The following AGAP1 variants were observed in gnomAD, a reference collection of about 807,000 sequenced individuals.
AGAP1 encodes ArfGAP with GTPase domain, ankyrin repeat and PH domain 1.
In AGAP1, 29 loss-of-function variants were observed where a neutral mutation model predicts 105.3. The ratio of observed to expected loss-of-function variants is 0.28; its 90% CI spans 0.21 to 0.38. The LOEUF (loss-of-function observed/expected upper bound fraction) is 0.38, where lower values mean the gene tolerates loss of function less well. Among genes scored for constraint, AGAP1 ranks in the 10% least tolerant of loss-of-function variants. AGAP1 has a pLI of 1.00. For missense variants in AGAP1, 998 were observed against 1,165.1 expected (o/e 0.86, Z 2.09); for synonymous variants, 509 against 485.9 (o/e 1.05, Z -0.63).
In AGAP1 at chr2:235,712,584, C is replaced by T. The variant is rs1255888234; in HGVS notation, c.222+3347C>T. ...CCTTGATTTCCTTTTCAGCAAACCT[C>T]AGGGTTAGTGTGGGGCTCTGGAGAA... On this transcript the variant is annotated intron_variant, in intron 2 of 17. Coordinates refer to ENST00000304032, the MANE Select transcript of AGAP1 (RefSeq NM_001037131.3). The surrounding 1 kb of genome is among the most constrained non-coding windows in gnomAD (Gnocchi z 6.0). 1.3e-5 allele frequency among the ~76,000 whole-genome samples: 2 copies of T among 152,304 alleles called. No homozygotes were observed. The highest frequency in any genetic ancestry group is 2.4e-5 in the African/African-American group (1 of 41,572).
At chr2:235,502,257 A>G (rs895795317) in intron 1 of AGAP1, among the ~76,000 whole-genome samples, 1 of 152,150 alleles carries the variant, frequency 6.6e-6, no homozygotes, top group African/African-American at 2.4e-5. Flanking sequence ...TGGGGAGGGA[A>G]GGAAAACAAA....
At chr2:235,563,799 G>C (rs1367141363) in intron 1 of AGAP1, among the ~76,000 whole-genome samples, 1 of 152,178 alleles carries the variant, frequency 6.6e-6, no homozygotes, top group Non-Finnish European at 1.5e-5. Flanking sequence ...CACTGTGCTG[G>C]CTGCTGAATT....
chr2:235,623,457 A>G lies in AGAP1; in HGVS notation c.164-85722A>G, dbSNP rs183705308. Among the ~76,000 whole-genome samples, 212 of 152,314 alleles carry G rather than the reference A, an allele frequency of 1.4e-3. 1 individual carries two copies. The highest frequency in any genetic ancestry group is 4.9e-3 in the African/African-American group (204 of 41,574). On this transcript the variant is annotated intron_variant, in intron 1 of 17. Transcript: ENST00000304032. This position sits in a 1 kb window ranked among gnomAD's most constrained non-coding sequence, Gnocchi z 4.5. ...GGTGGCTTTGGGATTTGCTGCTTCAAGGTTTCAGGATGACACAAGCCATCG... is the reference window on the plus strand; with the variant it reads ...GGTGGCTTTGGGATTTGCTGCTTCAGGGTTTCAGGATGACACAAGCCATCG...
At chr2:235,727,452 G>A (rs1951704437) in intron 3 of AGAP1, among the ~76,000 whole-genome samples, 1 of 152,188 alleles carries the variant, frequency 6.6e-6, no homozygotes. Flanking sequence ...CCTGGGGTAT[G>A]TTTGAATTCA....
At chr2:235,594,357 G>T (rs9967875) in intron 1 of AGAP1, among the ~76,000 whole-genome samples, 3,064 of 152,000 alleles carry the variant, frequency 0.02, 105 homozygotes, top group African/African-American at 0.071. Context: ...AGGATCAGAG[G>T]TAGCGTCTCC....
At chr2:235,990,880 C>T (rs1406508120) in intron 13 of AGAP1, among the ~76,000 whole-genome samples, 13 of 152,162 alleles carry the variant, frequency 8.5e-5, no homozygotes, top group Non-Finnish European at 1.8e-4. Context: ...CACAATGGAA[C>T]AAGATAGAGT....
chr2:235,752,289 T>G lies in AGAP1; in HGVS notation c.673+1801T>G, dbSNP rs886477666. 6.6e-6 allele frequency among the ~76,000 whole-genome samples: 1 copy of G among 152,200 alleles called. No homozygotes were observed. The highest frequency in any genetic ancestry group is 2.4e-5 in the African/African-American group (1 of 41,450). On this transcript the variant is annotated intron_variant, in intron 6 of 17. Coordinates refer to ENST00000304032, the MANE Select transcript of AGAP1 (RefSeq NM_001037131.3). This position sits in a 1 kb window ranked among gnomAD's most constrained non-coding sequence, Gnocchi z 4.3. The stretch of plus-strand genomic sequence containing the variant: ...GCCTCCCAGGTTCAGGCAAATCTTG[T>G]GCCTCAGCCTCCCCAGTAGCTGGAA...
rs370957797 is a variant in AGAP1 at position 235,569,188 on chromosome 2, G to A, written c.163+74339G>A. On this transcript the variant is annotated intron_variant, in intron 1 of 17. Transcript: ENST00000304032. This position sits in a 1 kb window ranked among gnomAD's most constrained non-coding sequence, Gnocchi z 5.9. ...AAATTAGCTGGGTGTGGTGGCGGGC[G>A]CCTGTAGTCCCAGCTACTTGGGAGG... is the stretch of plus-strand genomic sequence containing the variant. Among the ~76,000 whole-genome samples the A allele has an allele frequency of 5.9e-5, 9 of 152,270 alleles. No individual in the cohort carries two copies. Among genetic ancestry groups the A allele is most frequent in the Admixed American group, 2.0e-4 (3 of 15,296 alleles).
chr2:235,771,196 T>A (rs1305134497), intron 6 of AGAP1, among the ~76,000 whole-genome samples: 1 of 152,156 alleles, frequency 6.6e-6, no homozygotes, highest in Admixed American at 6.5e-5. Context: ...TTTGAGAAAA[T>A]TAAGTTTCTG....
chr2:235,770,216 T>C (rs55907328), intron 6 of AGAP1, among the ~76,000 whole-genome samples: 37,885 of 150,556 alleles, frequency 0.25, 5,141 homozygotes, highest in Admixed American at 0.39. Context: ...TAAGCTCCGC[T>C]CCCCGGGTTC....
At chr2:235,774,781 T>C (rs1341571362) in intron 6 of AGAP1, among the ~76,000 whole-genome samples, 1 of 152,168 alleles carries the variant, frequency 6.6e-6, no homozygotes, top group African/African-American at 2.4e-5. Flanking sequence ...CTAAAGTAAT[T>C]ACTAACCTTT....
chr2:235,553,635 C>G lies in AGAP1; in HGVS notation c.163+58786C>G, dbSNP rs774963395. Reference sequence around the variant, plus strand: ...AAGTGGAGCCTGGTCCCTGGTGACCCAGGTACAGTTTACGTCTGGAGCCAG... The same window carrying G: ...AAGTGGAGCCTGGTCCCTGGTGACCGAGGTACAGTTTACGTCTGGAGCCAG... On this transcript the variant is annotated intron_variant, in intron 1 of 17. Transcript: ENST00000304032. The surrounding 1 kb of genome is among the most constrained non-coding windows in gnomAD (Gnocchi z 4.5). Among the ~76,000 whole-genome samples the G allele has an allele frequency of 3.9e-5, 6 of 152,002 alleles. No homozygotes were observed. The highest frequency in any genetic ancestry group is 7.4e-5 in the Non-Finnish European group (5 of 68,006).
At chr2:235,528,319 G>A (rs532534347) in intron 1 of AGAP1, among the ~76,000 whole-genome samples, 69 of 151,764 alleles carry the variant, frequency 4.5e-4, no homozygotes, top group Middle Eastern at 3.4e-3. Flanking sequence ...CAGCAAGCCC[G>A]GCTCCATCCA....
At position 236,131,546 on chromosome 2, in the gene AGAP1, CAAT is replaced by C. The variant is rs1037293499; in HGVS notation, c.*7425_*7427del. On this transcript the variant is annotated 3_prime_UTR_variant, in exon 18 of 18. Coordinates refer to ENST00000304032, the MANE Select transcript of AGAP1 (RefSeq NM_001037131.3). This position sits in a 1 kb window ranked among gnomAD's most constrained non-coding sequence, Gnocchi z 5.9. Reference sequence around the variant, plus strand: ...AGCAACTTTATGTTTCACAATGACTCAATGATGCTTTATTTATATTGTTTGTAC... The same window carrying C: ...AGCAACTTTATGTTTCACAATGACTCGATGCTTTATTTATATTGTTTGTAC... 9.2e-5 allele frequency: 14 copies of C among 152,036 alleles called. No individual in the cohort carries two copies. Among genetic ancestry groups the C allele is most frequent in the African/African-American group, 2.4e-4 (10 of 41,382 alleles). The allele number at this position is 152,036 out of a possible 1,614,324, so 9.4% of individuals were successfully genotyped here. A position where few individuals can be genotyped will look rare whatever the true frequency, so the allele number is the denominator to read the frequency against.
rs796453844 is a variant in AGAP1, at chr2:235,983,061, G to C, written c.1645+14438G>C. On this transcript the variant is annotated intron_variant, in intron 13 of 17. Coordinates refer to ENST00000304032, the MANE Select transcript of AGAP1 (RefSeq NM_001037131.3). The surrounding 1 kb of genome is among the most constrained non-coding windows in gnomAD (Gnocchi z 4.5). ...GCATGAGGAGACATTCCTTAAGCCA[G>C]CCTGGTCTGTGGAGGTGTGCTCACT... Among the ~76,000 whole-genome samples, 1 of 152,212 alleles carries C rather than the reference G, an allele frequency of 6.6e-6. No homozygotes were observed.
At chr2:235,878,742 C>G (rs899312889) in intron 9 of AGAP1, among the ~76,000 whole-genome samples, 2 of 152,206 alleles carry the variant, frequency 1.3e-5, no homozygotes, top group African/African-American at 4.8e-5. Context: ...AAGCGGAGCC[C>G]CTGTCCGCTC....
At chr2:235,790,156 C>G (rs1269201937) in intron 6 of AGAP1, among the ~76,000 whole-genome samples, 1 of 152,074 alleles carries the variant, frequency 6.6e-6, no homozygotes, top group Non-Finnish European at 1.5e-5. Flanking sequence ...ATGAATTTCT[C>G]CTTGTGGGGT....
At chr2:235,808,474 C>T (rs1308331955) in intron 9 of AGAP1, among the ~76,000 whole-genome samples, 6 of 152,130 alleles carry the variant, frequency 3.9e-5, no homozygotes, top group Non-Finnish European at 7.4e-5. Flanking sequence ...CCAGTGTCAG[C>T]GTGAAGATGT....
At chr2:235,897,320 G>A (rs1432945322) in intron 10 of AGAP1, among the ~76,000 whole-genome samples, 1 of 152,126 alleles carries the variant, frequency 6.6e-6, no homozygotes, top group Non-Finnish European at 1.5e-5. Context: ...GATTACAGGC[G>A]TGAACCACCA....
Sources: allele counts gnomAD v4.1 joint callset (sites outside exome capture counted in the v4.1 genomes callset), GRCh38; gene constraint gnomAD v4.1.1; non-coding constraint Gnocchi (gnomAD v3.1); transcripts MANE v1.5; gene names NCBI Gene and HGNC (gene_info 2026-07-23, HGNC 2026-07-21).